TMEM266: variants seen among roughly 807,000 people sequenced by gnomAD.
TMEM266 encodes the protein Hv1 related protein 1.
TMEM266 carries 33 observed loss-of-function variants against 50.5 expected under a neutral mutation model. That is an observed-to-expected ratio of 0.65 (90% CI 0.50 to 0.87). TMEM266 has a LOEUF of 0.87. Among genes scored for constraint, TMEM266 ranks in the 40% least tolerant of loss-of-function variants. The probability of loss-of-function intolerance (pLI) is 0.00; values close to 1 mark genes in which losing one functional copy is unlikely to be tolerated. For missense variants in TMEM266, 655 were observed against 695.1 expected, an observed-to-expected ratio of 0.94 and a Z score of 0.65; for synonymous variants, 310 against 292.3, an observed-to-expected ratio of 1.06 and a Z score of -0.62.
chr15:76,170,254 C>G (rs544156914), intron 6 of TMEM266, among the ~76,000 whole-genome samples: 1 of 152,186 alleles, frequency 6.6e-6, no homozygotes, highest in Non-Finnish European at 1.5e-5. Flanking sequence ...TCCCGCCACA[C>G]GGGTGGGTGT....
intron 8 of TMEM266, among the ~76,000 whole-genome samples, chr15:76,182,037 C>T (rs552061118): frequency 1.5e-4 from 23 of 152,300 alleles, no homozygotes; most frequent in African/African-American, 3.6e-4. Context: ...AGGCTCAATC[C>T]GGGGTGACTC....
intron 8 of TMEM266, among the ~76,000 whole-genome samples, chr15:76,184,682 C>T (rs145432875): frequency 9.2e-5 from 14 of 152,282 alleles, no homozygotes; most frequent in South Asian, 4.1e-4. Context: ...ACTCCACAAC[C>T]GGACCATTAA....
chr15:76,160,299 A>G lies in TMEM266; in HGVS notation c.456+131A>G. ...AGCCCTTGAGGCTGCTGGGAGGGAG[A>G]CACAATATAGATAGATGATCTCTGC... On this transcript the variant is annotated intron_variant, in intron 5 of 10. Transcript: ENST00000388942. The surrounding 1 kb of genome is among the most constrained non-coding windows in gnomAD (Gnocchi z 5.7). 1.1e-6 allele frequency: 1 copy of G among 924,022 alleles called. No homozygotes were observed. The highest frequency in any genetic ancestry group is 1.5e-5 in the South Asian group (1 of 66,826). The allele number at this position is 924,022 out of a possible 1,614,324, so 57.2% of individuals were successfully genotyped here. A position where few individuals can be genotyped will look rare whatever the true frequency, so the allele number is the denominator to read the frequency against.
intron 1 of TMEM266, among the ~76,000 whole-genome samples, chr15:76,087,233 T>A (rs1051420452): frequency 3.3e-5 from 5 of 152,264 alleles, no homozygotes; most frequent in Middle Eastern, 3.4e-3. Context: ...GGATTGAGAC[T>A]AGACATGGGG....
chr15:76,186,762 CT>C (rs2038495934), intron 8 of TMEM266, among the ~76,000 whole-genome samples: 1 of 152,242 alleles, frequency 6.6e-6, no homozygotes, highest in Non-Finnish European at 1.5e-5. Flanking sequence ...CAGCATGGTC[CT>C]TTCAAAATGC....
At chr15:76,196,311 G>GA (rs2038655782) in intron 9 of TMEM266, among the ~76,000 whole-genome samples, 2 of 152,186 alleles carry the variant, frequency 1.3e-5, no homozygotes, top group Admixed American at 6.5e-5. Flanking sequence ...CCCCAGCCTA[G>GA]GCACATTGTT....
intron 1 of TMEM266, among the ~76,000 whole-genome samples, chr15:76,126,070 G>A (rs2037419022): frequency 6.6e-6 from 1 of 151,998 alleles, no homozygotes; most frequent in South Asian, 2.1e-4. Flanking sequence ...ACAAGTGTTG[G>A]CAAAGATGTG....
Position 76,139,464 on chromosome 15 carries a change from C to CT in TMEM266, c.227+1570dup, listed in dbSNP as rs1223750227. On this transcript the variant is annotated intron_variant, in intron 3 of 10. Transcript: ENST00000388942. The surrounding 1 kb of genome is among the most constrained non-coding windows in gnomAD (Gnocchi z 4.1). ...AAGGCCGGGCTGAAACCTGAGGCCC[C>CT]TGGGCCAGGGCCAGCTTCGTGCACA... Among the ~76,000 whole-genome samples the CT allele has an allele frequency of 6.6e-6, 1 of 152,236 alleles. No individual in the cohort carries two copies. Among genetic ancestry groups the CT allele is most frequent in the East Asian group, 1.9e-4 (1 of 5,192 alleles).
chr15:76,074,977 T>C (rs1403696944), intron 1 of TMEM266, among the ~76,000 whole-genome samples: 4 of 151,998 alleles, frequency 2.6e-5, no homozygotes, highest in East Asian at 3.8e-4. Context: ...GCCTGAACAA[T>C]TGGAGGGATA....
At position 76,160,949 on chromosome 15, in the gene TMEM266, T is replaced by C. The variant is rs1205922972; in HGVS notation, c.456+781T>C. On this transcript the variant is annotated intron_variant, in intron 5 of 10. Coordinates refer to ENST00000388942, the MANE Select transcript of TMEM266 (RefSeq NM_152335.3). The surrounding 1 kb of genome is among the most constrained non-coding windows in gnomAD (Gnocchi z 5.7). Reference sequence around the variant, plus strand: ...CTTCCTTTGAGCAGTTCCCAGGCTGTCCCAGTGAGACTCTGGCCTGCATCT... The same window carrying C: ...CTTCCTTTGAGCAGTTCCCAGGCTGCCCCAGTGAGACTCTGGCCTGCATCT... Among the ~76,000 whole-genome samples, 23 of 152,132 alleles carry C rather than the reference T, an allele frequency of 1.5e-4. No homozygotes were observed. The highest frequency in any genetic ancestry group is 1.5e-3 in the Admixed American group (23 of 15,274).
intron 1 of TMEM266, among the ~76,000 whole-genome samples, chr15:76,080,338 T>C (rs1056097809): frequency 1.7e-3 from 2 of 1,172 alleles, no homozygotes; most frequent in African/African-American, 3.5e-3. Context: ...CTGCAACCTC[T>C]GCCTCCTTGG....
intron 9 of TMEM266, among the ~76,000 whole-genome samples, chr15:76,197,164 C>T (rs533844065): frequency 1.5e-4 from 23 of 152,176 alleles, no homozygotes; most frequent in Non-Finnish European, 2.9e-4. Flanking sequence ...TGGAGAGGAG[C>T]GGGCCTGGCT....
chr15:76,186,963 C>T (rs1017813336), intron 8 of TMEM266, among the ~76,000 whole-genome samples: 1 of 152,208 alleles, frequency 6.6e-6, no homozygotes, highest in African/African-American at 2.4e-5. Context: ...CCTCCCCTGC[C>T]ATAAGTACCA....
chr15:76,179,639 C>T (rs959500810), intron 8 of TMEM266, among the ~76,000 whole-genome samples: 3 of 152,214 alleles, frequency 2.0e-5, no homozygotes, highest in Non-Finnish European at 4.4e-5. Context: ...CAGCCCCCAA[C>T]CCCGTTCCAG....
chr15:76,062,138 A>G (rs2036315544), intron 1 of TMEM266, among the ~76,000 whole-genome samples: 2 of 152,244 alleles, frequency 1.3e-5, no homozygotes, highest in Non-Finnish European at 2.9e-5. Context: ...AAATTCACCC[A>G]GTGGGGCTAA....
rs2037614249 is a variant in TMEM266 at position 76,137,778 on chromosome 15, T to C, written c.110T>C (p.Ile37Thr). The C allele has an allele frequency of 6.2e-7, 1 of 1,614,074 alleles. No homozygotes were observed. The highest frequency in any genetic ancestry group is 1.3e-5 in the African/African-American group (1 of 74,936). The stretch of plus-strand genomic sequence containing the variant: ...CAAGTAGACGAAGAAACCAAGAGCA[T>C]TGCTCCTGTGCAGCTGGTGAACTTT... Residue 37 changes from isoleucine (I) to threonine (T), a missense_variant, in exon 3 of 11, where the codon ATT (isoleucine) becomes ACT (threonine). Coordinates refer to ENST00000388942, the MANE Select transcript of TMEM266 (RefSeq NM_152335.3).
intron 1 of TMEM266, among the ~76,000 whole-genome samples, chr15:76,067,645 AAAAAGAAAAGAAAAG>A (rs373038029): frequency 1.1e-4 from 12 of 109,004 alleles, no homozygotes; most frequent in African/African-American, 4.3e-4. Context: ...AAAAAAAAAA[AAAAAGAAAAGAAAAG>A]AAAAGAAAAG....
chr15:76,124,295 G>GA (rs1156910925), intron 1 of TMEM266, among the ~76,000 whole-genome samples: 1 of 152,166 alleles, frequency 6.6e-6, no homozygotes, highest in East Asian at 1.9e-4. Flanking sequence ...CAAGCATAAG[G>GA]AATCTATCAC....
chr15:76,172,217 G>T (rs1440683389), intron 7 of TMEM266, among the ~76,000 whole-genome samples: 1 of 152,166 alleles, frequency 6.6e-6, no homozygotes, highest in African/African-American at 2.4e-5. Flanking sequence ...CAGCAAAATC[G>T]TACCCAGTCT....
Sources: allele counts gnomAD v4.1 joint callset (sites outside exome capture counted in the v4.1 genomes callset), GRCh38; gene constraint gnomAD v4.1.1; non-coding constraint Gnocchi (gnomAD v3.1); transcripts MANE v1.5; gene names NCBI Gene and HGNC (gene_info 2026-07-23, HGNC 2026-07-21).